ALMS1: variants seen among roughly 807,000 people sequenced by gnomAD.
ALMS1 encodes centrosome-associated protein ALMS1.
Under a neutral mutation model 352.2 loss-of-function variants are expected in ALMS1, and 271 were observed. The ratio of observed to expected loss-of-function variants is 0.77; its 90% CI spans 0.70 to 0.85. The LOEUF (loss-of-function observed/expected upper bound fraction) is 0.85. ALMS1 is among the 40% of genes least tolerant of loss of function. ALMS1 has a pLI of 0.00. For synonymous variants in ALMS1, 1,865 were observed against 1,761.2 expected (o/e 1.06, Z -1.48); for missense variants, 5,445 against 4,870.7 (o/e 1.12, Z -3.51).
intron 9 of ALMS1, among the ~76,000 whole-genome samples, chr2:73,484,837 G>T (rs7602980): frequency 6.6e-6 from 1 of 151,756 alleles, no homozygotes; most frequent in Non-Finnish European, 1.5e-5. Flanking sequence ...TTCTTCCATC[G>T]CTGATACCCT....
intron 16 of ALMS1, among the ~76,000 whole-genome samples, chr2:73,593,733 A>G (rs934169133): frequency 3.3e-5 from 5 of 152,314 alleles, no homozygotes; most frequent in East Asian, 1.9e-4. Context: ...TTAACAATCA[A>G]TCTTCATTTC....
At chr2:73,421,356 T>C (rs980478775) in intron 3 of ALMS1, among the ~76,000 whole-genome samples, 1 of 152,110 alleles carries the variant, frequency 6.6e-6, no homozygotes, top group Non-Finnish European at 1.5e-5. Flanking sequence ...GTAAATTTGC[T>C]TTACTTGCCC....
intron 1 of ALMS1, among the ~76,000 whole-genome samples, chr2:73,402,041 T>C (rs1670883462): frequency 7.2e-6 from 1 of 139,088 alleles, no homozygotes; most frequent in South Asian, 2.2e-4. Context: ...GTTATGTGTG[T>C]GTGTGTGTGA....
chr2:73,474,514 A>T (rs1672543314), intron 9 of ALMS1, among the ~76,000 whole-genome samples: 1 of 151,770 alleles, frequency 6.6e-6, no homozygotes, highest in African/African-American at 2.4e-5. Context: ...TTGCTCAGTC[A>T]CCGAGGCTGG....
intron 1 of ALMS1, 42 bp downstream of exon 1, chr2:73,386,234 G>A (rs1038210821): frequency 1.0e-5 from 15 of 1,469,792 alleles, no homozygotes; most frequent in East Asian, 2.7e-5. Flanking sequence ...CGGCGAGTTG[G>A]GGGTGGAGGC....
chr2:73,510,912 C>G (rs565600927), intron 10 of ALMS1, among the ~76,000 whole-genome samples: 13 of 152,182 alleles, frequency 8.5e-5, no homozygotes, highest in Non-Finnish European at 1.3e-4. Context: ...GATGCCCTGC[C>G]CAGAGAGGAG....
Position 73,490,952 on chromosome 2 carries a change from A to C in ALMS1, c.8993A>C (p.Asn2998Thr), listed in dbSNP as rs895984182. Reference protein sequence around the residue: ...PQGQDCVVEKNNQHKPKSHIS... With the variant: ...PQGQDCVVEKTNQHKPKSHIS... ...GGTCAGGATTGTGTAGTGGAAAAGA[A>C]TAATCAACATAAGCCTAAATCACAC... is the stretch of plus-strand genomic sequence containing the variant. The change falls in exon 10 of 23, where the codon AAT becomes ACT. Residue 2998 changes from asparagine to threonine, a missense_variant. Physicochemically the swap from Asn to Thr is moderately conservative, Grantham distance 65 (BLOSUM62 0). Coordinates refer to ENST00000613296, the MANE Select transcript of ALMS1 (RefSeq NM_001378454.1). 1 of 1,614,220 alleles carries C rather than the reference A, an allele frequency of 6.2e-7. No individual in the cohort carries two copies. The highest frequency in any genetic ancestry group is 1.1e-5 in the South Asian group (1 of 91,084).
chr2:73,461,523 A>C (rs1672202045), intron 9 of ALMS1, among the ~76,000 whole-genome samples: 1 of 152,202 alleles, frequency 6.6e-6, no homozygotes, highest in South Asian at 2.1e-4. Context: ...GAGCAGAAAA[A>C]CTGGAAACTC....
chr2:73,475,436 G>A (rs1201775113), intron 9 of ALMS1, among the ~76,000 whole-genome samples: 1 of 151,942 alleles, frequency 6.6e-6, no homozygotes, highest in African/African-American at 2.4e-5. Flanking sequence ...GGTGTTAAGG[G>A]GTATTTATTG....
chr2:73,600,170 T>C (rs765706253), intron 17 of ALMS1, among the ~76,000 whole-genome samples: 12 of 152,180 alleles, frequency 7.9e-5, no homozygotes, highest in Non-Finnish European at 1.6e-4. Context: ...CAAAACGAAT[T>C]CTCTGGAACC....
chr2:73,512,391 A>ATTT (rs1306844704), intron 10 of ALMS1, among the ~76,000 whole-genome samples: 1 of 144,462 alleles, frequency 6.9e-6, no homozygotes, highest in East Asian at 2.0e-4. Context: ...CCACTGTCAG[A>ATTT]TTTTTTTTTT....
At chr2:73,480,317 A>C (rs2103863011) in intron 9 of ALMS1, among the ~76,000 whole-genome samples, 1 of 152,184 alleles carries the variant, frequency 6.6e-6, no homozygotes, top group South Asian at 2.1e-4. Flanking sequence ...ATGAGTGAGA[A>C]TATGCGGTGT....
chr2:73,404,680 A>G (rs1389061202), intron 1 of ALMS1, among the ~76,000 whole-genome samples: 3 of 151,838 alleles, frequency 2.0e-5, no homozygotes, highest in Non-Finnish European at 2.9e-5. Flanking sequence ...TATTGGTAAT[A>G]TTTTGTTGAG....
chr2:73,391,007 G>T (rs762340468), intron 1 of ALMS1, among the ~76,000 whole-genome samples: 1 of 151,868 alleles, frequency 6.6e-6, no homozygotes, highest in African/African-American at 2.4e-5. Flanking sequence ...TTGACCTCAG[G>T]TTATCCACCC....
chr2:73,533,811 A>G (rs1244996274), intron 11 of ALMS1, among the ~76,000 whole-genome samples: 2 of 152,220 alleles, frequency 1.3e-5, no homozygotes, highest in Non-Finnish European at 2.9e-5. Context: ...ATGACTATAC[A>G]CGTGCTGTTG....
intron 7 of ALMS1, among the ~76,000 whole-genome samples, chr2:73,441,633 T>TCCTATA (rs59406302): frequency 2.0e-5 from 3 of 152,032 alleles, no homozygotes; most frequent in African/African-American, 7.3e-5. Context: ...CTATTCCTAT[T>TCCTATA]TCTGGTCTTA....
At chr2:73,541,656 A>G (rs1253133754) in intron 12 of ALMS1, among the ~76,000 whole-genome samples, 1 of 152,202 alleles carries the variant, frequency 6.6e-6, no homozygotes, top group East Asian at 1.9e-4. Flanking sequence ...GAAGAATCAA[A>G]TAGACGCAAT....
At chr2:73,439,354 G>T (rs1317830685) in intron 7 of ALMS1, among the ~76,000 whole-genome samples, 1 of 151,708 alleles carries the variant, frequency 6.6e-6, no homozygotes, top group Non-Finnish European at 1.5e-5. Flanking sequence ...GCCTTTCAAA[G>T]CCTGATCCTC....
chr2:73,470,417 A>G (rs554937756), intron 9 of ALMS1: 1 of 151,776 alleles, frequency 6.6e-6, no homozygotes, highest in Non-Finnish European at 1.5e-5. Flanking sequence ...CCTTGATTTC[A>G]TCTTTGATCC....
Sources: allele counts gnomAD v4.1 joint callset (sites outside exome capture counted in the v4.1 genomes callset), GRCh38; gene constraint gnomAD v4.1.1; transcripts MANE v1.5; gene names NCBI Gene and HGNC (gene_info 2026-07-23, HGNC 2026-07-21).